Variants in MRPS16 observed in about 807,000 individuals in gnomAD.
MRPS16 encodes the protein small ribosomal subunit protein bS16m.
Under a neutral mutation model 11.0 loss-of-function variants are expected in MRPS16, and 5 were observed. The ratio of observed to expected loss-of-function variants is 0.46; its 90% CI spans 0.24 to 0.96. MRPS16 has a LOEUF of 0.96. Among genes scored for constraint, MRPS16 ranks in the 40% least tolerant of loss-of-function variants. MRPS16 has a pLI of 0.20. For synonymous variants in MRPS16, 76 were observed against 65.0 expected (o/e 1.17, Z -0.81); for missense variants, 179 against 174.4 (o/e 1.03, Z -0.15).
chr10:73,252,510 G>A lies in MRPS16; in HGVS notation c.-28C>T. 2 of 1,605,554 alleles carry A rather than the reference G, an allele frequency of 1.2e-6. No homozygotes were observed. The highest frequency in any genetic ancestry group is 2.2e-5 in the East Asian group (1 of 44,834). ...TGCCGCCGGCGTGCGGCTCCTCGGA[G>A]AGCCCCGCTACCCGCACGCACCAGC... On this transcript the variant is annotated 5_prime_UTR_variant, in exon 1 of 3. Transcript: ENST00000372945.
intron 2 of MRPS16, among the ~76,000 whole-genome samples, 168 bp from the exon 3 acceptor site, chr10:73,251,159 G>T (rs989665412): frequency 1.1e-4 from 16 of 152,136 alleles, no homozygotes; most frequent in Non-Finnish European, 1.8e-4. Flanking sequence ...GGAGACAGTG[G>T]ATGTCTACTT....
In MRPS16 at chr10:73,252,458, C is replaced by G. The variant is rs560766660; in HGVS notation, c.13+12G>C. 283 of 1,609,460 alleles carry G rather than the reference C, an allele frequency of 1.8e-4. 2 individuals carry two copies. In the South Asian group the frequency reaches 2.4e-3, roughly 14 times the overall value. ...ACCGCCCGGAACGTCTCGCGGTGGCCCGATGACTCACTGAGGTGGACCATG... is the reference window on the plus strand; with the variant it reads ...ACCGCCCGGAACGTCTCGCGGTGGCGCGATGACTCACTGAGGTGGACCATG... On this transcript the variant is annotated intron_variant, in intron 1 of 2. Coordinates refer to ENST00000372945, the MANE Select transcript of MRPS16 (RefSeq NM_016065.4).
rs147844712 is a variant in MRPS16 at position 73,250,919 on chromosome 10, C to A, written c.347G>T (p.Arg116Leu). 12 of 1,614,192 alleles carry A rather than the reference C, an allele frequency of 7.4e-6. No individual in the cohort carries two copies. Among genetic ancestry groups the A allele is most frequent in the Non-Finnish European group, 9.3e-6 (11 of 1,180,026 alleles). ...NAERLRRKRAREVLLASQKTD... is the reference protein window; with the variant it reads ...NAERLRRKRALEVLLASQKTD... ...TTTCTGAGAAGCTAACAGGACTTCA[C>A]GTGCCCGTTTCCTTCGCAGTCTCTC... Residue 116 changes from arginine to leucine, a missense_variant, in exon 3 of 3, where the codon CGT becomes CTT. Physicochemically the swap from Arg to Leu is moderately radical, Grantham distance 102. Transcript: ENST00000372945.
rs886047198 is a variant in MRPS16, at chr10:73,250,787, C to T, written c.*65G>A. ...ACTCCAAATCTAACAAAATTAAGATCGCTGCAGTGTTTCAAAAGGACCTTG... is the reference window on the plus strand; with the variant it reads ...ACTCCAAATCTAACAAAATTAAGATTGCTGCAGTGTTTCAAAAGGACCTTG... On this transcript the variant is annotated 3_prime_UTR_variant, in exon 3 of 3. Coordinates refer to ENST00000372945, the MANE Select transcript of MRPS16 (RefSeq NM_016065.4). 51 of 1,590,698 alleles carry T rather than the reference C, an allele frequency of 3.2e-5. No homozygotes were observed. The highest frequency in any genetic ancestry group is 2.7e-4 in the African/African-American group (20 of 74,438).
At position 73,249,003 on chromosome 10, in the gene MRPS16, C is replaced by G. The variant is rs754586403; in HGVS notation, c.*1849G>C. ...GAACAATCACAGTTCACTGCAGCAT[C>G]GGCCTCCTGGGCTCAAGTGATCTTA... On this transcript the variant is annotated 3_prime_UTR_variant, in exon 3 of 3. Transcript: ENST00000372945. 19 of 581,586 alleles carry G rather than the reference C, an allele frequency of 3.3e-5. No individual in the cohort carries two copies. The Admixed American group carries it at 4.3e-4, about 13-fold the overall frequency. The allele number at this position is 581,586 out of a possible 1,614,324, so 36.0% of individuals were successfully genotyped here. A position where few individuals can be genotyped will look rare whatever the true frequency, so the allele number is the denominator to read the frequency against.
At chr10:73,252,410 G>A in intron 1 of MRPS16, 60 bp downstream of exon 1, 1 of 1,605,828 alleles carries the variant, frequency 6.2e-7, no homozygotes, top group Non-Finnish European at 8.5e-7. Flanking sequence ...TCCCCACCCG[G>A]CCCCGAACTC....
chr10:73,250,381 T>G lies in MRPS16; in HGVS notation c.*471A>C. The stretch of plus-strand genomic sequence containing the variant: ...AGCCTGGCAACAGAACAAGACTCCG[T>G]CTCAAAAAAAAAAAAAAAAAGAGAA... On this transcript the variant is annotated 3_prime_UTR_variant, in exon 3 of 3. Transcript: ENST00000372945. 1 of 155,756 alleles carries G rather than the reference T, an allele frequency of 6.4e-6. No homozygotes were observed. The allele number at this position is 155,756 out of a possible 1,614,324, so 9.6% of individuals were successfully genotyped here.
At chr10:73,252,226 C>G (rs2044123954) in intron 1 of MRPS16, 5 of 1,015,742 alleles carry the variant, frequency 4.9e-6, no homozygotes, top group South Asian at 4.5e-5. Flanking sequence ...AAACCCACCC[C>G]GCATGGGCTT....
At position 73,250,866 on chromosome 10, in the gene MRPS16, C is replaced by T. The variant is rs370006263; in HGVS notation, c.400G>A (p.Ala134Thr). 15 of 1,613,926 alleles carry T rather than the reference C, an allele frequency of 9.3e-6. No homozygotes were observed. The highest frequency in any genetic ancestry group is 1.3e-5 in the Non-Finnish European group (15 of 1,180,034). ...AGTCAGCTCATTTATGTTTCTGTAGCCTCTGTATCTGTAGCTTCTGCATCT... is the reference window on the plus strand; with the variant it reads ...AGTCAGCTCATTTATGTTTCTGTAGTCTCTGTATCTGTAGCTTCTGCATCT... ...KTDAEATDTEATET is the reference protein window; with the variant it reads ...KTDAEATDTETTET Residue 134 changes from alanine to threonine, a missense_variant, in exon 3 of 3, where the codon GCT becomes ACT. Physicochemically the swap from Ala to Thr is moderately conservative, Grantham distance 58 (BLOSUM62 0). Coordinates refer to ENST00000372945, the MANE Select transcript of MRPS16 (RefSeq NM_016065.4).
Position 73,252,636 on chromosome 10 carries a change from G to T in MRPS16, c.-154C>A. ...TACAAGCCCGAAAACCTCGACTCCGGAAGCGGATGATCCGCTCGCCACGCC... is the reference window on the plus strand; with the variant it reads ...TACAAGCCCGAAAACCTCGACTCCGTAAGCGGATGATCCGCTCGCCACGCC... On this transcript the variant is annotated 5_prime_UTR_variant, in exon 1 of 3. Coordinates refer to ENST00000372945, the MANE Select transcript of MRPS16 (RefSeq NM_016065.4). 9.3e-7 allele frequency: 1 copy of T among 1,072,688 alleles called. No individual in the cohort carries two copies. 66.4% of individuals were successfully genotyped at this position (1,072,688 alleles called of 1,614,324 possible). A position where few individuals can be genotyped will look rare whatever the true frequency, so the allele number is the denominator to read the frequency against.
chr10:73,252,309 T>C (rs891372937), intron 1 of MRPS16, 161 bp downstream of exon 1: 24 of 1,212,336 alleles, frequency 2.0e-5, no homozygotes, highest in Middle Eastern at 5.3e-4. Flanking sequence ...TCAGCGGTGA[T>C]TAAGTGGGGA....
Position 73,249,379 on chromosome 10 carries a change from T to C in MRPS16, c.*1473A>G. 6.8e-7 allele frequency: 1 copy of C among 1,473,562 alleles called. No individual in the cohort carries two copies. Among genetic ancestry groups the C allele is most frequent in the Non-Finnish European group, 9.2e-7 (1 of 1,082,418 alleles). The allele number at this position is 1,473,562 out of a possible 1,614,324, so 91.3% of individuals were successfully genotyped here. On this transcript the variant is annotated 3_prime_UTR_variant, in exon 3 of 3. Coordinates refer to ENST00000372945, the MANE Select transcript of MRPS16 (RefSeq NM_016065.4). ...CTAAAGTATACTGAAGTTATTCAAA[T>C]ACATTCAAACTATAAAGATCCCTTA...
chr10:73,250,604 C>A lies in MRPS16; in HGVS notation c.*248G>T, dbSNP rs1192686205. Reference sequence around the variant, plus strand: ...AGACCCAGAGCCCAACTCAAAAGTCCAATCCTCCCATAGCCACTGTCTATC... The same window carrying A: ...AGACCCAGAGCCCAACTCAAAAGTCAAATCCTCCCATAGCCACTGTCTATC... On this transcript the variant is annotated 3_prime_UTR_variant, in exon 3 of 3. Coordinates refer to ENST00000372945, the MANE Select transcript of MRPS16 (RefSeq NM_016065.4). 4.0e-6 allele frequency: 2 copies of A among 494,732 alleles called. No homozygotes were observed. The highest frequency in any genetic ancestry group is 5.6e-4 in the Middle Eastern group (1 of 1,792). The allele number at this position is 494,732 out of a possible 1,614,324, so 30.6% of individuals were successfully genotyped here.
Position 73,252,458 on chromosome 10 carries a change from C to T in MRPS16, c.13+12G>A, listed in dbSNP as rs560766660. 161 of 1,609,342 alleles carry T rather than the reference C, an allele frequency of 1.0e-4. 1 individual carries two copies. In the South Asian group the frequency reaches 1.7e-3, roughly 17 times the overall value. ...ACCGCCCGGAACGTCTCGCGGTGGCCCGATGACTCACTGAGGTGGACCATG... is the reference window on the plus strand; with the variant it reads ...ACCGCCCGGAACGTCTCGCGGTGGCTCGATGACTCACTGAGGTGGACCATG... On this transcript the variant is annotated intron_variant, in intron 1 of 2. Coordinates refer to ENST00000372945, the MANE Select transcript of MRPS16 (RefSeq NM_016065.4).
chr10:73,251,926 A>G lies in MRPS16; in HGVS notation c.111T>C (p.Ala37=). 2 of 1,614,180 alleles carry G rather than the reference A, an allele frequency of 1.2e-6. No homozygotes were observed. The highest frequency in any genetic ancestry group is 1.1e-5 in the South Asian group (1 of 91,080). The part of the protein sequence containing the change: ...TNRPFYRIVA[A]HNKCPRDGRF... ...GGCCATCCCTGGGACACTTGTTGTG[A>G]GCAGCCACAATGCGGTAGAACGGCC... Residue 37 remains alanine, a synonymous_variant, in exon 2 of 3, where the codon GCT becomes GCC. Transcript: ENST00000372945.
At chr10:73,252,343 G>A (rs1343498083) in intron 1 of MRPS16, 127 bp downstream of exon 1, 19 of 1,357,126 alleles carry the variant, frequency 1.4e-5, no homozygotes, top group African/African-American at 4.3e-5. Context: ...AGGATCAAAT[G>A]TAAGGCAGTG....
chr10:73,252,414 C>G, intron 1 of MRPS16, 56 bp downstream of exon 1: 1 of 1,607,056 alleles, frequency 6.2e-7, no homozygotes, highest in Non-Finnish European at 8.5e-7. Context: ...CACCCGGCCC[C>G]GAACTCCCGA....
In MRPS16 at chr10:73,248,890, A is replaced by G. The variant is rs546070519; in HGVS notation, c.*1962T>C. On this transcript the variant is annotated 3_prime_UTR_variant, in exon 3 of 3. Coordinates refer to ENST00000372945, the MANE Select transcript of MRPS16 (RefSeq NM_016065.4). Reference sequence around the variant, plus strand: ...CCTTTTATTGCAACTCAAATTTTCAAAAACCAGAAAATCAAATTATTATGC... The same window carrying G: ...CCTTTTATTGCAACTCAAATTTTCAGAAACCAGAAAATCAAATTATTATGC... 1.6e-5 allele frequency: 6 copies of G among 379,770 alleles called. No homozygotes were observed. The highest frequency in any genetic ancestry group is 8.4e-5 in the South Asian group (4 of 47,652). 23.5% of individuals were successfully genotyped at this position (379,770 alleles called of 1,614,324 possible).
intron 1 of MRPS16, 136 bp downstream of exon 1, chr10:73,252,334 G>A: frequency 3.0e-6 from 4 of 1,316,880 alleles, no homozygotes; most frequent in Non-Finnish European, 3.2e-6. Context: ...ACTGAGAGAA[G>A]GATCAAATGT....
Sources: gnomAD v4.1 joint callset for allele counts (sites outside exome capture counted in the v4.1 genomes callset) on GRCh38, gnomAD v4.1.1 for gene constraint, MANE v1.5 for transcripts, NCBI Gene and HGNC (gene_info 2026-07-23, HGNC 2026-07-21) for gene names.